MYO6: variants seen among roughly 807,000 people sequenced by gnomAD.
MYO6 encodes the protein unconventional myosin-VI.
MYO6 carries 74 observed loss-of-function variants against 178.7 expected under a neutral mutation model. The observed-to-expected ratio is 0.41, with a 90% CI of 0.34 to 0.50. The LOEUF is 0.50. MYO6 is among the 20% of genes least tolerant of loss of function. The pLI is 0.09. For missense variants in MYO6, 1,330 were observed against 1,547.4 expected (o/e 0.86, Z 2.36); for synonymous variants, 477 against 504.6 (o/e 0.95, Z 0.73).
chr6:75,805,411 T>A (rs879674455), intron 1 of MYO6, among the ~76,000 whole-genome samples: 36 of 152,194 alleles, frequency 2.4e-4, no homozygotes, highest in Non-Finnish European at 2.8e-4. Flanking sequence ...CCTGTAGTAT[T>A]TAATACATAG....
At chr6:75,815,372 T>C (rs868302703) in intron 1 of MYO6, among the ~76,000 whole-genome samples, 1 of 152,150 alleles carries the variant, frequency 6.6e-6, no homozygotes, top group African/African-American at 2.4e-5. Context: ...ATAATTATGT[T>C]ACACCTATTA....
chr6:75,801,538 T>TA (rs1400695629), intron 1 of MYO6, among the ~76,000 whole-genome samples: 2 of 152,234 alleles, frequency 1.3e-5, no homozygotes, highest in East Asian at 1.9e-4. Flanking sequence ...TTTTTTTTTT[T>TA]ATGAGAAAAC....
At chr6:75,780,811 T>G (rs1041281874) in intron 1 of MYO6, among the ~76,000 whole-genome samples, 11 of 151,962 alleles carry the variant, frequency 7.2e-5, no homozygotes, top group African/African-American at 2.7e-4. Context: ...AAACTTTTTT[T>G]TTTTCTTTTT....
At position 75,913,774 on chromosome 6, in the gene MYO6, A is replaced by G. The variant is rs568158984; in HGVS notation, c.3440-289A>G. Reference sequence around the variant, plus strand: ...TGAGTTTATTTTAGGTTACTGTTACAGTGATTTGTGGGAATCTGACAGGGG... The same window carrying G: ...TGAGTTTATTTTAGGTTACTGTTACGGTGATTTGTGGGAATCTGACAGGGG... On this transcript the variant is annotated intron_variant, in intron 33 of 34. Coordinates refer to ENST00000369977, the MANE Select transcript of MYO6 (RefSeq NM_004999.4). Among the ~76,000 whole-genome samples, 16 of 152,256 alleles carry G rather than the reference A, an allele frequency of 1.1e-4. No individual in the cohort carries two copies. In the South Asian group the frequency reaches 2.1e-3, roughly 20 times the overall value.
Position 75,799,558 on chromosome 6 carries a change from A to G in MYO6, c.-47-17943A>G, listed in dbSNP as rs1268954246. Among the ~76,000 whole-genome samples, 4 of 152,330 alleles carry G rather than the reference A, an allele frequency of 2.6e-5. No individual in the cohort carries two copies. In the South Asian group the frequency reaches 6.2e-4, roughly 24 times the overall value. ...AAAAAGTATTAGCTCTAGCGAGTCA[A>G]TAAGGCAAGCAAATATATAGACTTG... On this transcript the variant is annotated intron_variant, in intron 1 of 34. Coordinates refer to ENST00000369977, the MANE Select transcript of MYO6 (RefSeq NM_004999.4).
In MYO6 at chr6:75,859,988, T is replaced by C. The variant is rs150824241; in HGVS notation, c.1473+995T>C. On this transcript the variant is annotated intron_variant, in intron 14 of 34. Transcript: ENST00000369977. ...GCTCCCCTTCTTCAGGTCTCTCTGCTTCTGCCTACTCTGCTGCTGGCTCAC... is the reference window on the plus strand; with the variant it reads ...GCTCCCCTTCTTCAGGTCTCTCTGCCTCTGCCTACTCTGCTGCTGGCTCAC... Among the ~76,000 whole-genome samples the C allele has an allele frequency of 5.5e-4, 84 of 152,262 alleles. 1 individual carries two copies. The East Asian group carries it at 0.015, about 28-fold the overall frequency.
chr6:75,898,338 T>C (rs200233385), intron 29 of MYO6, 35 bp from the exon 30 acceptor site: 63 of 1,476,902 alleles, frequency 4.3e-5, no homozygotes, highest in Non-Finnish European at 5.9e-5. Context: ...GTATGACTTT[T>C]ATGTAACCAT....
chr6:75,753,455 G>GTGTGTGTGTGTATATATA (rs370647728), intron 1 of MYO6, among the ~76,000 whole-genome samples: 31 of 140,050 alleles, frequency 2.2e-4, no homozygotes, highest in Middle Eastern at 3.7e-3. Context: ...GTGTGTGTGT[G>GTGTGTGTGTGTATATATA]TATATATATA....
chr6:75,827,637 T>C (rs1772621477), intron 3 of MYO6, among the ~76,000 whole-genome samples: 1 of 152,096 alleles, frequency 6.6e-6, no homozygotes, highest in African/African-American at 2.4e-5. Context: ...TAATGAGAAC[T>C]AAACTGGTAT....
At chr6:75,870,516 T>G (rs1022674929) in intron 18 of MYO6, 131 bp from the exon 19 acceptor site, 9 of 740,468 alleles carry the variant, frequency 1.2e-5, no homozygotes, top group Non-Finnish European at 2.1e-5. Context: ...AGGAGGTTGT[T>G]AAACTGGAAT....
intron 1 of MYO6, among the ~76,000 whole-genome samples, chr6:75,771,627 G>A (rs1424019366): frequency 1.3e-5 from 2 of 152,174 alleles, no homozygotes; most frequent in Admixed American, 1.3e-4. Flanking sequence ...CCTGTTTGCA[G>A]TATAAATGAG....
chr6:75,796,905 A>G (rs1317813889), intron 1 of MYO6, among the ~76,000 whole-genome samples: 1 of 152,096 alleles, frequency 6.6e-6, no homozygotes, highest in Non-Finnish European at 1.5e-5. Flanking sequence ...TGTTGCTGCA[A>G]AGGGCATTAT....
Position 75,858,903 on chromosome 6 carries a change from G to A in MYO6, c.1383G>A (p.Glu461=). Residue 461 remains glutamate (E), a splice_region_variant and synonymous_variant, in exon 14 of 35, where the codon GAG becomes GAA. Transcript: ENST00000369977. Reference sequence around the variant, plus strand: ...TTGGTTCTGGTTTTATATTTTCAGAGTACTTTGAGCATAACAGTTTTGAAC... The same window carrying A: ...TTGGTTCTGGTTTTATATTTTCAGAATACTTTGAGCATAACAGTTTTGAAC... ...FIGVLDIAGF[E]YFEHNSFEQF... is the part of the protein sequence containing the mutation. 1.9e-6 allele frequency: 3 copies of A among 1,591,032 alleles called. No homozygotes were observed. Among genetic ancestry groups the A allele is most frequent in the South Asian group, 1.1e-5 (1 of 90,048 alleles).
intron 1 of MYO6, among the ~76,000 whole-genome samples, chr6:75,789,270 A>G (rs554997377): frequency 6.6e-6 from 1 of 152,224 alleles, no homozygotes; most frequent in East Asian, 1.9e-4. Context: ...AAGTAATGAC[A>G]CATCATCAAA....
At chr6:75,793,222 C>A (rs1275299204) in intron 1 of MYO6, among the ~76,000 whole-genome samples, 2 of 152,122 alleles carry the variant, frequency 1.3e-5, no homozygotes, top group African/African-American at 2.4e-5. Context: ...AATCCACTTA[C>A]CTGAAATGCA....
chr6:75,773,029 G>T (rs1409932408), intron 1 of MYO6, among the ~76,000 whole-genome samples: 1 of 152,206 alleles, frequency 6.6e-6, no homozygotes, highest in East Asian at 1.9e-4. Flanking sequence ...GTCAAAAAAA[G>T]ATGAAGTAAT....
chr6:75,804,869 C>T (rs1216098629), intron 1 of MYO6, among the ~76,000 whole-genome samples: 3 of 133,860 alleles, frequency 2.2e-5, no homozygotes, highest in Admixed American at 1.4e-4. Flanking sequence ...TATATATGCG[C>T]ATATATATAT....
chr6:75,860,035 G>A (rs1157416168), intron 14 of MYO6, among the ~76,000 whole-genome samples: 1 of 152,184 alleles, frequency 6.6e-6, no homozygotes, highest in Non-Finnish European at 1.5e-5. Context: ...TGGCAGCAAA[G>A]CCATCAAGTC....
At chr6:75,798,564 C>G (rs1292484955) in intron 1 of MYO6, among the ~76,000 whole-genome samples, 2 of 152,156 alleles carry the variant, frequency 1.3e-5, no homozygotes, top group African/African-American at 4.8e-5. Flanking sequence ...TCTGTAAAAT[C>G]CAGCATCCCT....
Sources: allele counts gnomAD v4.1 joint callset (sites outside exome capture counted in the v4.1 genomes callset), GRCh38; gene constraint gnomAD v4.1.1; transcripts MANE v1.5; gene names NCBI Gene and HGNC (gene_info 2026-07-23, HGNC 2026-07-21).